Variants in PARP8 observed in about 807,000 individuals in gnomAD.
PARP8 encodes poly(ADP-ribose) polymerase family member 8, also known as protein mono-ADP-ribosyltransferase PARP8.
Under a neutral mutation model 124.1 loss-of-function variants are expected in PARP8, and 51 were observed. That is an observed-to-expected ratio of 0.41 (90% CI 0.33 to 0.52). The LOEUF is 0.52. Ranked by LOEUF, PARP8 falls within the 20% of genes least tolerant of loss-of-function variation. The probability of loss-of-function intolerance (pLI) is 0.21; values close to 1 mark genes in which losing one functional copy is unlikely to be tolerated. For synonymous variants in PARP8, 391 were observed against 361.5 expected (o/e 1.08, Z -0.93); for missense variants, 860 against 1,018.9 (o/e 0.84, Z 2.12).
chr5:50,736,501 T>C (rs569121340), intron 2 of PARP8, among the ~76,000 whole-genome samples: 14 of 152,166 alleles, frequency 9.2e-5, no homozygotes, highest in Non-Finnish European at 1.6e-4. Flanking sequence ...AGCACCTAAA[T>C]TAATCTGAAA....
chr5:50,827,738 G>C (rs1227082312), intron 19 of PARP8, among the ~76,000 whole-genome samples: 1 of 152,088 alleles, frequency 6.6e-6, no homozygotes, highest in African/African-American at 2.4e-5. Flanking sequence ...CCAAAGAATT[G>C]TTCTTCATAT....
At chr5:50,684,081 T>G (rs978062618) in intron 2 of PARP8, among the ~76,000 whole-genome samples, 3 of 152,200 alleles carry the variant, frequency 2.0e-5, no homozygotes, top group African/African-American at 7.2e-5. Flanking sequence ...GGTTCTTGGA[T>G]TTTATTAAAT....
chr5:50,790,461 AT>A (rs1248955187), intron 10 of PARP8, among the ~76,000 whole-genome samples: 5 of 151,732 alleles, frequency 3.3e-5, no homozygotes, highest in Non-Finnish European at 5.9e-5. Flanking sequence ...ACCTTGACAC[AT>A]TTTTTTTATA....
chr5:50,674,998 C>T (rs954014986), intron 2 of PARP8, among the ~76,000 whole-genome samples: 1 of 152,210 alleles, frequency 6.6e-6, no homozygotes, highest in African/African-American at 2.4e-5. Flanking sequence ...TTAATAACCA[C>T]AATGACAAAA....
intron 2 of PARP8, among the ~76,000 whole-genome samples, chr5:50,674,574 C>T (rs747953391): frequency 3.9e-5 from 6 of 152,192 alleles, no homozygotes; most frequent in African/African-American, 7.2e-5. Flanking sequence ...TCAAATGTGA[C>T]CACAGCTTTT....
chr5:50,809,475 T>G (rs1218245998), intron 14 of PARP8, among the ~76,000 whole-genome samples: 1 of 152,094 alleles, frequency 6.6e-6, no homozygotes, highest in Non-Finnish European at 1.5e-5. Flanking sequence ...AAACTATTTT[T>G]TATTAAATAC....
At chr5:50,716,457 GATTA>G (rs1176314478) in intron 2 of PARP8, among the ~76,000 whole-genome samples, 2 of 152,002 alleles carry the variant, frequency 1.3e-5, no homozygotes, top group African/African-American at 4.8e-5. Flanking sequence ...ACAAAAAGTA[GATTA>G]ATTGTTTCAA....
Position 50,846,442 on chromosome 5 carries a change from T to G in PARP8, c.*4374T>G, listed in dbSNP as rs1198579787. 1 of 151,802 alleles carries G rather than the reference T, an allele frequency of 6.6e-6. No individual in the cohort carries two copies. The highest frequency in any genetic ancestry group is 1.5e-5 in the Non-Finnish European group (1 of 67,812). 9.4% of individuals were successfully genotyped at this position (151,802 alleles called of 1,614,324 possible). ...CTTTCTATTGCTACTAAAGCCTCTT[T>G]TATCCAGCTTTGTAATAGTTCCAAC... On this transcript the variant is annotated 3_prime_UTR_variant, in exon 26 of 26. Coordinates refer to ENST00000281631, the MANE Select transcript of PARP8 (RefSeq NM_024615.4).
At chr5:50,684,612 T>C (rs1031771612) in intron 2 of PARP8, among the ~76,000 whole-genome samples, 7 of 152,162 alleles carry the variant, frequency 4.6e-5, no homozygotes, top group Non-Finnish European at 1.0e-4. Context: ...TTAAATCACA[T>C]GAGCCTGTCA....
intron 11 of PARP8, 114 bp from the exon 12 acceptor site, chr5:50,794,739 A>T: frequency 1.1e-6 from 1 of 949,746 alleles, no homozygotes; most frequent in Non-Finnish European, 1.6e-6. Flanking sequence ...AGGCTATATT[A>T]AAATGAGGTG....
chr5:50,705,596 C>A (rs971673738), intron 2 of PARP8, among the ~76,000 whole-genome samples: 5 of 152,054 alleles, frequency 3.3e-5, no homozygotes. Context: ...ACCAGCCTGG[C>A]CAATATGGTG....
intron 2 of PARP8, among the ~76,000 whole-genome samples, chr5:50,718,761 A>G (rs534206580): frequency 5.9e-5 from 9 of 152,178 alleles, no homozygotes; most frequent in Admixed American, 3.9e-4. Context: ...GGCTATTGCT[A>G]ATAGTGCATC....
Position 50,666,753 on chromosome 5 carries a change from T to A in PARP8, c.-343T>A. The A allele has an allele frequency of 1.6e-6, 1 of 642,760 alleles. No individual in the cohort carries two copies. The highest frequency in any genetic ancestry group is 2.1e-6 in the Non-Finnish European group (1 of 486,320). The allele number at this position is 642,760 out of a possible 1,614,324, so 39.8% of individuals were successfully genotyped here. On this transcript the variant is annotated 5_prime_UTR_variant, in exon 1 of 26. Coordinates refer to ENST00000281631, the MANE Select transcript of PARP8 (RefSeq NM_024615.4). ...TTGCTCTCTGGCTGTCCCCGGCACC[T>A]CGGCCCCCACGGCCGTTGGTCCGGG... is the stretch of plus-strand genomic sequence containing the variant.
At chr5:50,723,517 T>C (rs529605449) in intron 2 of PARP8, among the ~76,000 whole-genome samples, 35 of 152,170 alleles carry the variant, frequency 2.3e-4, no homozygotes, top group Non-Finnish European at 3.4e-4. Context: ...TGTGGTTGAT[T>C]TGTATTTAAT....
intron 2 of PARP8, among the ~76,000 whole-genome samples, chr5:50,703,513 A>G (rs757955353): frequency 8.6e-5 from 13 of 152,032 alleles, no homozygotes; most frequent in Non-Finnish European, 1.5e-4. Flanking sequence ...CATGATTATT[A>G]TTACTGCCAC....
chr5:50,667,297 G>T, intron 1 of PARP8, 111 bp downstream of exon 1: 1 of 1,168,076 alleles, frequency 8.6e-7, no homozygotes, highest in Non-Finnish European at 1.2e-6. Flanking sequence ...CCATTCTGGG[G>T]TTCATTTGGC....
In PARP8 at chr5:50,795,306, A is replaced by T. The variant is rs1742414410; in HGVS notation, c.1317A>T (p.Ser439=). 1 of 1,614,054 alleles carries T rather than the reference A, an allele frequency of 6.2e-7. No individual in the cohort carries two copies. Among genetic ancestry groups the T allele is most frequent in the African/African-American group, 1.3e-5 (1 of 74,936 alleles). Residue 439 remains serine (S), a synonymous_variant, in exon 12 of 26, where the codon TCA becomes TCT. Transcript: ENST00000281631. ...AGTCCTACTCCAGTGCCCCCAAGTC[A>T]TCCAAAACTGAGCTTTTCAAGGAAC... ...LSKSYSSAPK[S]SKTELFKEPN...
chr5:50,814,314 A>G (rs552662489), intron 14 of PARP8, among the ~76,000 whole-genome samples: 1 of 152,138 alleles, frequency 6.6e-6, no homozygotes, highest in South Asian at 2.1e-4. Context: ...GATTAAAAGT[A>G]AACACTCAAG....
At chr5:50,828,825 A>G (rs1272872620) in intron 21 of PARP8, among the ~76,000 whole-genome samples, 1 of 151,970 alleles carries the variant, frequency 6.6e-6, no homozygotes, top group Non-Finnish European at 1.5e-5. Flanking sequence ...GTGAAGGTGA[A>G]GGTGGCAGTG....
Sources: allele counts gnomAD v4.1 joint callset (sites outside exome capture counted in the v4.1 genomes callset), GRCh38; gene constraint gnomAD v4.1.1; transcripts MANE v1.5; gene names NCBI Gene and HGNC (gene_info 2026-07-23, HGNC 2026-07-21).